XKR7: variants seen among roughly 807,000 people sequenced by gnomAD.
XKR7 encodes XK related 7, also known as XK-related protein 7.
XKR7 carries 11 observed loss-of-function variants against 42.2 expected under a neutral mutation model. That is an observed-to-expected ratio of 0.26 (90% confidence interval 0.16 to 0.43). The LOEUF is 0.43. Ranked by LOEUF, XKR7 falls within the 20% of genes least tolerant of loss-of-function variation. XKR7 has a pLI of 1.00. For missense variants in XKR7, 710 were observed against 802.2 expected, an observed-to-expected ratio of 0.89 and a Z score of 1.39; for synonymous variants, 346 against 366.4, an observed-to-expected ratio of 0.94 and a Z score of 0.64.
At chr20:31,980,954 A>G (rs184330824) in intron 1 of XKR7, among the ~76,000 whole-genome samples, 1 of 151,728 alleles carries the variant, frequency 6.6e-6, no homozygotes, top group East Asian at 1.9e-4. Context: ...GTTCCCAGCT[A>G]CTCAGGGGGC....
chr20:31,969,233 C>G (rs1390073037), intron 1 of XKR7, among the ~76,000 whole-genome samples: 3 of 152,226 alleles, frequency 2.0e-5, no homozygotes, highest in Non-Finnish European at 2.9e-5. Flanking sequence ...CAAGGAGAGT[C>G]ACAGAATTTG....
At chr20:31,980,428 G>T (rs1030386582) in intron 1 of XKR7, among the ~76,000 whole-genome samples, 3 of 152,172 alleles carry the variant, frequency 2.0e-5, no homozygotes, top group African/African-American at 4.8e-5. Flanking sequence ...AGGCTATATA[G>T]CTGGGAACCC....
chr20:31,980,575 A>G (rs1209290235), intron 1 of XKR7, among the ~76,000 whole-genome samples: 4 of 152,106 alleles, frequency 2.6e-5, no homozygotes, highest in Non-Finnish European at 5.9e-5. Flanking sequence ...CATTTCTCTA[A>G]TGGCTCTAGA....
At chr20:31,990,681 G>T (rs1600661724) in intron 1 of XKR7, among the ~76,000 whole-genome samples, 1 of 152,316 alleles carries the variant, frequency 6.6e-6, no homozygotes, top group Non-Finnish European at 1.5e-5. Context: ...AAGCCAAATT[G>T]TAGTTGACTG....
Position 31,989,281 on chromosome 20 carries a change from C to CA in XKR7, c.585-5787_585-5786insA, listed in dbSNP as rs902806023. ...TCTGGCTGAGTTTTAGGACACCCCC[C>CA]CCCCAGCGCATCTGGAGTGTCAGGA... On this transcript the variant is annotated intron_variant, in intron 1 of 2. Coordinates refer to ENST00000562532, the MANE Select transcript of XKR7 (RefSeq NM_001011718.2). 3.6e-4 allele frequency among the ~76,000 whole-genome samples: 43 copies of CA among 119,578 alleles called. 1 individual carries two copies. The Middle Eastern group carries it at 0.013, about 36-fold the overall frequency. The allele number at this position is 119,578 out of a possible 152,430, so 78.4% of individuals were successfully genotyped here.
rs1403238404 is a variant in XKR7 at position 32,002,619 on chromosome 20, G to T, written c.*5162G>T. 6.6e-6 allele frequency: 1 copy of T among 152,140 alleles called. No homozygotes were observed. The highest frequency in any genetic ancestry group is 1.9e-4 in the East Asian group (1 of 5,186). The allele number at this position is 152,140 out of a possible 1,614,324, so 9.4% of individuals were successfully genotyped here. A position where few individuals can be genotyped will look rare whatever the true frequency, so the allele number is the denominator to read the frequency against. The stretch of plus-strand genomic sequence containing the variant: ...CATTATTTTCTTCCCTGAGGATCCT[G>T]TGGTTTAGGAGATTTTTCTCCCAAA... On this transcript the variant is annotated 3_prime_UTR_variant, in exon 3 of 3. Transcript: ENST00000562532.
At chr20:31,992,162 T>A (rs1460452579) in intron 1 of XKR7, among the ~76,000 whole-genome samples, 1 of 152,046 alleles carries the variant, frequency 6.6e-6, no homozygotes, top group East Asian at 1.9e-4. Context: ...ACAAAAAAAC[T>A]GAGATCAAAT....
chr20:31,969,098 G>A (rs535676759), intron 1 of XKR7, among the ~76,000 whole-genome samples: 22 of 152,252 alleles, frequency 1.4e-4, no homozygotes, highest in Non-Finnish European at 2.8e-4. Context: ...GGACCACAGG[G>A]CCCTATTCTG....
intron 1 of XKR7, among the ~76,000 whole-genome samples, chr20:31,986,944 G>C (rs534196503): frequency 7.4e-5 from 10 of 135,320 alleles, no homozygotes; most frequent in Non-Finnish European, 1.4e-4. Context: ...AGACGACCAA[G>C]CAGACCCAGC....
At chr20:31,978,901 G>T (rs556642204) in intron 1 of XKR7, among the ~76,000 whole-genome samples, 3 of 152,096 alleles carry the variant, frequency 2.0e-5, no homozygotes, top group Non-Finnish European at 4.4e-5. Flanking sequence ...TTGGGAGGCC[G>T]AGGTGGGAAG....
chr20:31,980,336 AG>A (rs1263296446), intron 1 of XKR7, among the ~76,000 whole-genome samples: 1 of 152,198 alleles, frequency 6.6e-6, no homozygotes, highest in African/African-American at 2.4e-5. Flanking sequence ...CTCAACGTTA[AG>A]GGGTAGGCAG....
At chr20:31,992,589 C>A (rs936166129) in intron 1 of XKR7, among the ~76,000 whole-genome samples, 1 of 152,150 alleles carries the variant, frequency 6.6e-6, no homozygotes, top group Non-Finnish European at 1.5e-5. Context: ...ACAGAGGGGG[C>A]TTTGCATTTC....
At chr20:31,986,875 CACAGACAGACAG>C (rs781465461) in intron 1 of XKR7, among the ~76,000 whole-genome samples, 3,319 of 146,686 alleles carry the variant, frequency 0.023, 89 homozygotes, top group Admixed American at 0.078. Context: ...GTATCCAAGA[CACAGACAGACAG>C]ACAGACAGAC....
rs1284752461 is a variant in XKR7, at chr20:31,996,848, G to C, written c.1131G>C (p.Glu377Asp). The C allele has an allele frequency of 6.2e-7, 1 of 1,613,804 alleles. No individual in the cohort carries two copies. Reference sequence around the variant, plus strand: ...TCTTCTGCTGGTTCAACGTCAAGGAGGGCCGCAGCCGCCGCCGCATGACCC... The same window carrying C: ...TCTTCTGCTGGTTCAACGTCAAGGACGGCCGCAGCCGCCGCCGCATGACCC... ...IYIFCWFNVK[E>D]GRSRRRMTLY... The change falls in exon 3 of 3, where the codon GAG becomes GAC. Residue 377 changes from glutamate to aspartate, a missense_variant. Glu to Asp is a conservative substitution (Grantham distance 45). Coordinates refer to ENST00000562532, the MANE Select transcript of XKR7 (RefSeq NM_001011718.2).
In XKR7 at chr20:32,001,548, G is replaced by A. The variant is rs1352834859; in HGVS notation, c.*4091G>A. The A allele has an allele frequency of 6.6e-6, 1 of 152,208 alleles. No individual in the cohort carries two copies. Among genetic ancestry groups the A allele is most frequent in the African/African-American group, 2.4e-5 (1 of 41,438 alleles). 9.4% of individuals were successfully genotyped at this position (152,208 alleles called of 1,614,324 possible). The stretch of plus-strand genomic sequence containing the variant: ...AAATCCCCATCACCTGGCTATCTGA[G>A]AACTGAGCCCACTGCCCTCTCAGCT... On this transcript the variant is annotated 3_prime_UTR_variant, in exon 3 of 3. Transcript: ENST00000562532.
In XKR7 at chr20:31,997,549, G is replaced by T; in HGVS notation, c.*92G>T. 9 of 1,222,644 alleles carry T rather than the reference G, an allele frequency of 7.4e-6. 1 individual carries two copies. In the South Asian group the frequency reaches 1.3e-4, roughly 18 times the overall value. 75.7% of individuals were successfully genotyped at this position (1,222,644 alleles called of 1,614,324 possible). On this transcript the variant is annotated 3_prime_UTR_variant, in exon 3 of 3. Transcript: ENST00000562532. Reference sequence around the variant, plus strand: ...CGAATTTCAGGGCCACCAGGCTAAGGGGGAGTGGATCTGTTGGTCCAAGGG... The same window carrying T: ...CGAATTTCAGGGCCACCAGGCTAAGTGGGAGTGGATCTGTTGGTCCAAGGG...
At chr20:31,972,726 C>A (rs997550870) in intron 1 of XKR7, among the ~76,000 whole-genome samples, 1 of 152,134 alleles carries the variant, frequency 6.6e-6, no homozygotes, top group African/African-American at 2.4e-5. Context: ...CTGGGAACCC[C>A]AAAATGGGGA....
In XKR7 at chr20:31,995,208, CGCAGCTAGTGCT is replaced by C; in HGVS notation, c.732_743del (p.Val245_Leu248del). On this transcript the variant is annotated inframe_deletion, in exon 2 of 3. Transcript: ENST00000562532. This position sits in a 1 kb window ranked among gnomAD's most constrained non-coding sequence, Gnocchi z 4.1. The stretch of plus-strand genomic sequence containing the variant: ...CTGGAGACCTTCCTGCGCAGCGCGC[CGCAGCTAGTGCT>C]GCAGCTCAGCCTGCTGGTGCACCGC... 6.5e-7 allele frequency: 1 copy of C among 1,545,984 alleles called. No homozygotes were observed. Among genetic ancestry groups the C allele is most frequent in the South Asian group, 1.2e-5 (1 of 83,940 alleles).
chr20:31,970,133 C>G (rs977659259), intron 1 of XKR7: 4 of 152,198 alleles, frequency 2.6e-5, no homozygotes, highest in African/African-American at 9.7e-5. Context: ...TTATTATTAG[C>G]GTGACACATA....
Sources: gnomAD v4.1 joint callset for allele counts (sites outside exome capture counted in the v4.1 genomes callset) on GRCh38, gnomAD v4.1.1 for gene constraint, Gnocchi (gnomAD v3.1) non-coding constraint, MANE v1.5 for transcripts, NCBI Gene and HGNC (gene_info 2026-07-23, HGNC 2026-07-21) for gene names.